MSRA: variants seen among roughly 807,000 people sequenced by gnomAD.
MSRA encodes methionine sulfoxide reductase A.
In MSRA, 54 loss-of-function variants were observed where a neutral mutation model predicts 31.3. The observed-to-expected ratio is 1.73, with a 90% confidence interval of 1.39 to 2.17. The LOEUF (loss-of-function observed/expected upper bound fraction) is 2.17. MSRA is among the 30% of genes most tolerant of loss of function. MSRA has a pLI of 0.00. For synonymous variants in MSRA, 169 were observed against 116.5 expected (o/e 1.45, Z -2.90); for missense variants, 507 against 300.9 (o/e 1.69, Z -5.07).
At chr8:10,303,933 TTTTTA>T (rs1399679780) in intron 4 of MSRA, among the ~76,000 whole-genome samples, 2 of 152,202 alleles carry the variant, frequency 1.3e-5, no homozygotes, top group African/African-American at 4.8e-5. Flanking sequence ...TTGTTTTTGT[TTTTTA>T]TTTTATTATT....
At chr8:10,234,559 G>C (rs950656169) in intron 2 of MSRA, among the ~76,000 whole-genome samples, 1 of 152,008 alleles carries the variant, frequency 6.6e-6, no homozygotes, top group African/African-American at 2.4e-5. Flanking sequence ...GAAGAGGATG[G>C]TAAGTAGAAA....
At chr8:10,326,249 AC>A (rs1280470598) in intron 5 of MSRA, among the ~76,000 whole-genome samples, 2 of 152,318 alleles carry the variant, frequency 1.3e-5, no homozygotes, top group East Asian at 3.9e-4. Flanking sequence ...AGTATTGCTT[AC>A]CACAGAGCAG....
intron 1 of MSRA, among the ~76,000 whole-genome samples, chr8:10,152,482 T>G (rs1169267030): frequency 1.3e-5 from 2 of 152,076 alleles, no homozygotes; most frequent in Non-Finnish European, 2.9e-5. Flanking sequence ...CACAAGGCAA[T>G]TAAGAGCCCC....
At position 10,129,287 on chromosome 8, in the gene MSRA, G is replaced by T. The variant is rs539019003; in HGVS notation, c.142+74629G>T. Among the ~76,000 whole-genome samples the T allele has an allele frequency of 3.3e-5, 5 of 152,262 alleles. No homozygotes were observed. In the East Asian group the frequency reaches 9.6e-4, roughly 29 times the overall value. ...AGCATGGTATCGTAAAGGCAAGGAT[G>T]TAAAGAGAAACAAACTCGGGCTTCA... On this transcript the variant is annotated intron_variant, in intron 1 of 5. Coordinates refer to ENST00000317173, the MANE Select transcript of MSRA (RefSeq NM_012331.5).
chr8:10,291,020 C>G (rs188788289), intron 3 of MSRA, among the ~76,000 whole-genome samples: 2 of 152,138 alleles, frequency 1.3e-5, no homozygotes, highest in African/African-American at 2.4e-5. Context: ...GAAGGCCAGC[C>G]TCTGAAATCA....
chr8:10,088,105 G>A (rs1261346342), intron 1 of MSRA, among the ~76,000 whole-genome samples: 2 of 152,136 alleles, frequency 1.3e-5, no homozygotes, highest in African/African-American at 4.8e-5. Context: ...AGGTATAGAG[G>A]TAGTCTGTTC....
chr8:10,312,026 C>T (rs1316888624), intron 4 of MSRA, among the ~76,000 whole-genome samples: 5 of 152,094 alleles, frequency 3.3e-5, no homozygotes, highest in African/African-American at 1.2e-4. Flanking sequence ...ATCGATAGGG[C>T]ATAGGTAAAG....
At chr8:10,413,135 A>G (rs937636096) in intron 5 of MSRA, among the ~76,000 whole-genome samples, 3 of 152,224 alleles carry the variant, frequency 2.0e-5, no homozygotes, top group African/African-American at 7.2e-5. Context: ...GAAGGCCCTG[A>G]TCTCGCCTGT....
chr8:10,175,968 C>T (rs1585097331), intron 1 of MSRA, among the ~76,000 whole-genome samples: 1 of 151,870 alleles, frequency 6.6e-6, no homozygotes, highest in Non-Finnish European at 1.5e-5. Flanking sequence ...TATCTTTTAT[C>T]AGCATTTAGT....
intron 1 of MSRA, among the ~76,000 whole-genome samples, chr8:10,187,548 C>T (rs1319317471): frequency 6.6e-6 from 1 of 152,146 alleles, no homozygotes; most frequent in Non-Finnish European, 1.5e-5. Context: ...GCAACATTGA[C>T]TTAATACATT....
chr8:10,357,228 A>C (rs114513424), intron 5 of MSRA, among the ~76,000 whole-genome samples: 46 of 152,258 alleles, frequency 3.0e-4, no homozygotes, highest in African/African-American at 1.1e-3. Flanking sequence ...TATTATTTCA[A>C]CTCTATGAAT....
At chr8:10,072,004 C>G (rs1266417059) in intron 1 of MSRA, among the ~76,000 whole-genome samples, 1 of 152,160 alleles carries the variant, frequency 6.6e-6, no homozygotes, top group East Asian at 1.9e-4. Context: ...ACGGGGTGGT[C>G]TGCCTACGAG....
chr8:10,218,443 C>A (rs142783673), intron 2 of MSRA, among the ~76,000 whole-genome samples: 1 of 152,268 alleles, frequency 6.6e-6, no homozygotes, highest in South Asian at 2.1e-4. Context: ...CTGCGCCCGG[C>A]CCTGGTTCCT....
intron 1 of MSRA, among the ~76,000 whole-genome samples, chr8:10,079,461 G>C (rs1419072266): frequency 1.3e-5 from 2 of 152,096 alleles, no homozygotes; most frequent in Non-Finnish European, 2.9e-5. Context: ...GACCATGTTT[G>C]TTCTAGAAAA....
chr8:10,181,950 TA>T (rs1478590714), intron 1 of MSRA, among the ~76,000 whole-genome samples: 1 of 152,108 alleles, frequency 6.6e-6, no homozygotes, highest in Non-Finnish European at 1.5e-5. Flanking sequence ...AGCAGGAGAT[TA>T]AGTAAGAAAT....
intron 5 of MSRA, among the ~76,000 whole-genome samples, chr8:10,328,076 A>G (rs1255273402): frequency 1.6e-5 from 2 of 122,688 alleles, no homozygotes; most frequent in East Asian, 5.1e-4. Context: ...CTCTGAGTGT[A>G]AATGACACTC....
chr8:10,265,514 C>G (rs1026192084), intron 3 of MSRA, among the ~76,000 whole-genome samples: 1 of 152,322 alleles, frequency 6.6e-6, no homozygotes, highest in South Asian at 2.1e-4. Flanking sequence ...GGTGATGACT[C>G]AGCATTGTCA....
At chr8:10,220,353 C>T (rs1810382288) in intron 2 of MSRA, among the ~76,000 whole-genome samples, 2 of 151,990 alleles carry the variant, frequency 1.3e-5, no homozygotes, top group African/African-American at 2.4e-5. Flanking sequence ...GCTGGGATTC[C>T]AACATTCATG....
chr8:10,351,110 G>GA (rs1473281274), intron 5 of MSRA, among the ~76,000 whole-genome samples: 4 of 152,190 alleles, frequency 2.6e-5, no homozygotes, highest in African/African-American at 9.6e-5. Flanking sequence ...AGTGCAACCT[G>GA]AGATGCTTCA....
Sources: gnomAD v4.1 joint callset for allele counts (sites outside exome capture counted in the v4.1 genomes callset) on GRCh38, gnomAD v4.1.1 for gene constraint, MANE v1.5 for transcripts, NCBI Gene and HGNC (gene_info 2026-07-23, HGNC 2026-07-21) for gene names.